The following MDFIC2 variants were observed in gnomAD, a reference collection of about 807,000 sequenced individuals.
MDFIC2 encodes MyoD family inhibitor domain containing 2, also known as myoD family inhibitor domain-containing protein 2.
chr3:70,226,610 T>G (rs1575601535), intron 2 of MDFIC2, among the ~76,000 whole-genome samples: 1 of 151,086 alleles, frequency 6.6e-6, no homozygotes, highest in African/African-American at 2.4e-5. Flanking sequence ...TGGTGGCGGG[T>G]GCCTGTAATC....
intron 2 of MDFIC2, among the ~76,000 whole-genome samples, chr3:70,267,101 G>A (rs1701922886): frequency 6.6e-6 from 1 of 152,136 alleles, no homozygotes; most frequent in Admixed American, 6.5e-5. Context: ...ATTGCTAGCT[G>A]GGGAGGGGGT....
At position 70,196,198 on chromosome 3, in the gene MDFIC2, G is replaced by A. The variant is rs897656956; in HGVS notation, c.*728C>T. ...CATTTATGCTTATTAGAATAACTAA[G>A]AGCCTTTCTGTAACGAATTAAGAAT... On this transcript the variant is annotated 3_prime_UTR_variant, in exon 4 of 4. Coordinates refer to ENST00000567252, the MANE Select transcript of MDFIC2 (RefSeq NM_001364677.1). Among the ~76,000 whole-genome samples, 4 of 152,144 alleles carry A rather than the reference G, an allele frequency of 2.6e-5. No individual in the cohort carries two copies. Among genetic ancestry groups the A allele is most frequent in the Admixed American group, 6.5e-5 (1 of 15,280 alleles).
At chr3:70,297,410 G>A (rs1226847414) in intron 2 of MDFIC2, among the ~76,000 whole-genome samples, 1 of 151,982 alleles carries the variant, frequency 6.6e-6, no homozygotes, top group Non-Finnish European at 1.5e-5. Context: ...GCCACTCAAA[G>A]GTTGTAATTA....
intron 2 of MDFIC2, among the ~76,000 whole-genome samples, chr3:70,285,982 T>C (rs1187414722): frequency 6.6e-6 from 1 of 151,324 alleles, no homozygotes; most frequent in Admixed American, 6.6e-5. Flanking sequence ...GAGTAGGTTG[T>C]GAAAATTTTC....
chr3:70,260,269 G>A (rs931486292), intron 2 of MDFIC2, among the ~76,000 whole-genome samples: 7 of 152,184 alleles, frequency 4.6e-5, no homozygotes, highest in African/African-American at 1.4e-4. Context: ...TCATCGTACG[G>A]CATTTCCCCT....
rs556361457 is a variant in MDFIC2, at chr3:70,227,031, C to G, written c.89-20241G>C. On this transcript the variant is annotated intron_variant, in intron 2 of 3. Coordinates refer to ENST00000567252, the MANE Select transcript of MDFIC2 (RefSeq NM_001364677.1). ...CTCGAAAAAATACATGCATCTTTTT[C>G]CTGGGAAAATATACCATATGCAGAC... 3.9e-5 allele frequency among the ~76,000 whole-genome samples: 6 copies of G among 152,190 alleles called. No individual in the cohort carries two copies. In the South Asian group the frequency reaches 1.2e-3, roughly 32 times the overall value.
At chr3:70,264,176 AATAT>A (rs1265165326) in intron 2 of MDFIC2, among the ~76,000 whole-genome samples, 4 of 152,254 alleles carry the variant, frequency 2.6e-5, no homozygotes, top group African/African-American at 9.6e-5. Context: ...TTCATTTTAA[AATAT>A]ATACAGATGG....
intron 2 of MDFIC2, among the ~76,000 whole-genome samples, chr3:70,279,065 A>T (rs1357271): frequency 0.15 from 22,379 of 148,222 alleles, 2,000 homozygotes; most frequent in East Asian, 0.47. Flanking sequence ...CTTTCCTAAC[A>T]TCTTCTCATT....
intron 2 of MDFIC2, among the ~76,000 whole-genome samples, chr3:70,304,899 G>A (rs903214000): frequency 8.0e-5 from 12 of 150,476 alleles, no homozygotes; most frequent in African/African-American, 1.5e-4. Flanking sequence ...CCCCTTTTTC[G>A]TCATTCCCTT....
rs372544064 is a variant in MDFIC2 at position 70,248,353 on chromosome 3, T to G, written c.89-41563A>C. ...AAGGAGTTTATAAATGGAGAAAAAA[T>G]TTTGAAAAGCATGTTATATTGAGAG... On this transcript the variant is annotated intron_variant, in intron 2 of 3. Coordinates refer to ENST00000567252, the MANE Select transcript of MDFIC2 (RefSeq NM_001364677.1). Among the ~76,000 whole-genome samples the G allele has an allele frequency of 1.3e-3, 203 of 152,042 alleles. 1 individual carries two copies. In the South Asian group the frequency reaches 0.036, roughly 27 times the overall value.
chr3:70,238,633 C>T (rs1446583758), intron 2 of MDFIC2, among the ~76,000 whole-genome samples: 1 of 151,806 alleles, frequency 6.6e-6, no homozygotes, highest in Admixed American at 6.6e-5. Context: ...AAAAGTCTCT[C>T]TGAGAATAAA....
At chr3:70,230,542 G>C (rs543370021) in intron 2 of MDFIC2, among the ~76,000 whole-genome samples, 12 of 152,042 alleles carry the variant, frequency 7.9e-5, no homozygotes, top group Non-Finnish European at 1.8e-4. Context: ...CCTAATAGAT[G>C]TTTGAATAAT....
At chr3:70,260,074 G>A (rs909421886) in intron 2 of MDFIC2, among the ~76,000 whole-genome samples, 1 of 152,162 alleles carries the variant, frequency 6.6e-6, no homozygotes, top group Admixed American at 6.5e-5. Flanking sequence ...TGAGATTTGG[G>A]TGGGGACACA....
intron 2 of MDFIC2, among the ~76,000 whole-genome samples, chr3:70,242,773 G>T (rs1701675101): frequency 1.3e-5 from 2 of 152,068 alleles, no homozygotes; most frequent in Non-Finnish European, 2.9e-5. Flanking sequence ...GAATCTTATT[G>T]TGTCAGAGCT....
chr3:70,289,288 G>A (rs1702202619), intron 2 of MDFIC2, among the ~76,000 whole-genome samples: 1 of 151,484 alleles, frequency 6.6e-6, no homozygotes, highest in Admixed American at 6.6e-5. Flanking sequence ...TTGCTTGTCT[G>A]TAAAGTATTT....
chr3:70,236,090 T>G (rs1358300277), intron 2 of MDFIC2, among the ~76,000 whole-genome samples: 1 of 152,260 alleles, frequency 6.6e-6, no homozygotes, highest in East Asian at 1.9e-4. Context: ...TTTAGCTCTC[T>G]TCACTCTTTC....
chr3:70,270,351 C>G (rs1006980507), intron 2 of MDFIC2, among the ~76,000 whole-genome samples: 1 of 152,078 alleles, frequency 6.6e-6, no homozygotes, highest in East Asian at 1.9e-4. Context: ...GAATATATAA[C>G]CCTGATCCCT....
intron 2 of MDFIC2, among the ~76,000 whole-genome samples, chr3:70,279,926 G>T (rs1045278383): frequency 2.0e-5 from 3 of 152,164 alleles, no homozygotes; most frequent in Non-Finnish European, 4.4e-5. Context: ...TATTGCTTGA[G>T]ATCCTGTCTT....
chr3:70,293,198 G>C (rs1702255744), intron 2 of MDFIC2, among the ~76,000 whole-genome samples: 2 of 151,886 alleles, frequency 1.3e-5, no homozygotes, highest in Non-Finnish European at 1.5e-5. Flanking sequence ...TTTCTGTCAT[G>C]TAAGTCTGGT....
Sources: allele counts gnomAD v4.1 joint callset (sites outside exome capture counted in the v4.1 genomes callset), GRCh38; gene constraint gnomAD v4.1.1; transcripts MANE v1.5; gene names NCBI Gene and HGNC (gene_info 2026-07-23, HGNC 2026-07-21).